DLGAP1: variants seen among roughly 807,000 people sequenced by gnomAD.
DLGAP1 encodes the protein DLG associated protein 1, also known as disks large-associated protein 1.
DLGAP1 carries 11 observed loss-of-function variants against 90.8 expected under a neutral mutation model. That is an observed-to-expected ratio of 0.12 (90% CI 0.08 to 0.20). DLGAP1 has a LOEUF of 0.20. Ranked by LOEUF, DLGAP1 falls within the 10% of genes least tolerant of loss-of-function variation. DLGAP1 has a pLI of 1.00. For missense variants in DLGAP1, 1,050 were observed against 1,333.8 expected (o/e 0.79, Z 3.31); for synonymous variants, 558 against 540.7 (o/e 1.03, Z -0.44).
At chr18:3,671,938 C>G (rs572801581) in intron 7 of DLGAP1, among the ~76,000 whole-genome samples, 17 of 152,206 alleles carry the variant, frequency 1.1e-4, no homozygotes, top group African/African-American at 3.9e-4. Flanking sequence ...CAAATCCTTC[C>G]AATTGCCAAC....
At chr18:4,392,746 T>A (rs1474798676) in intron 1 of DLGAP1, among the ~76,000 whole-genome samples, 1 of 152,216 alleles carries the variant, frequency 6.6e-6, no homozygotes, top group East Asian at 1.9e-4. Flanking sequence ...AGATCCAGCC[T>A]CACATTTCAA....
intron 7 of DLGAP1, among the ~76,000 whole-genome samples, chr18:3,659,651 C>G (rs900344329): frequency 6.6e-6 from 1 of 151,902 alleles, no homozygotes; most frequent in Non-Finnish European, 1.5e-5. Flanking sequence ...CTGCAACCTC[C>G]GCCTCCCAGC....
At chr18:3,770,374 C>T (rs2064472574) in intron 5 of DLGAP1, among the ~76,000 whole-genome samples, 1 of 152,104 alleles carries the variant, frequency 6.6e-6, no homozygotes, top group Non-Finnish European at 1.5e-5. Context: ...AGACACATGT[C>T]CTGAATATTG....
rs535454642 is a variant in DLGAP1, at chr18:4,434,284, T to C, written c.-267+20722A>G. 6.2e-4 allele frequency among the ~76,000 whole-genome samples: 95 copies of C among 152,062 alleles called. 1 individual carries two copies. The highest frequency in any genetic ancestry group is 5.4e-4 in the Non-Finnish European group (37 of 68,018). ...TTGACCATAGCATCTTTGAGCACAA[T>C]GAAATGTGTTGTAGCGTCCCCTAAG... On this transcript the variant is annotated intron_variant, in intron 1 of 12. Coordinates refer to ENST00000315677, the MANE Select transcript of DLGAP1 (RefSeq NM_004746.4).
intron 3 of DLGAP1, among the ~76,000 whole-genome samples, chr18:3,976,865 G>A (rs1211623146): frequency 6.6e-6 from 1 of 152,024 alleles, no homozygotes; most frequent in Non-Finnish European, 1.5e-5. Context: ...CAAAGATTAG[G>A]TCATATCATT....
chr18:4,002,724 G>A (rs2074219255), intron 3 of DLGAP1, among the ~76,000 whole-genome samples: 2 of 152,126 alleles, frequency 1.3e-5, no homozygotes, highest in South Asian at 4.1e-4. Flanking sequence ...GTGACCCTTT[G>A]GGGCTGGTTC....
At chr18:4,086,629 C>T (rs963077986) in intron 2 of DLGAP1, among the ~76,000 whole-genome samples, 22 of 151,322 alleles carry the variant, frequency 1.5e-4, no homozygotes, top group East Asian at 5.8e-4. Context: ...TTTTTTAATC[C>T]GATTTAATTC....
intron 1 of DLGAP1, among the ~76,000 whole-genome samples, chr18:4,270,829 C>G (rs993308493): frequency 1.3e-5 from 2 of 152,166 alleles, no homozygotes; most frequent in Admixed American, 6.5e-5. Flanking sequence ...GTGGGCATTT[C>G]TGAGATGCTG....
At chr18:3,895,663 A>C (rs1421229899) in intron 3 of DLGAP1, 2 of 152,270 alleles carry the variant, frequency 1.3e-5, no homozygotes, top group Non-Finnish European at 2.9e-5. Flanking sequence ...GGAATAACGC[A>C]TTGTTGGTGC....
chr18:4,182,533 G>A (rs761343652), intron 1 of DLGAP1, among the ~76,000 whole-genome samples: 9 of 151,912 alleles, frequency 5.9e-5, no homozygotes, highest in South Asian at 2.1e-4. Context: ...AGCATTGACT[G>A]TTCTTTGTAG....
At chr18:3,717,150 G>T (rs1405309609) in intron 7 of DLGAP1, among the ~76,000 whole-genome samples, 2 of 145,940 alleles carry the variant, frequency 1.4e-5, no homozygotes, top group Non-Finnish European at 3.0e-5. Flanking sequence ...CATTTCAAAA[G>T]AAAACTAGAA....
chr18:4,295,047 A>T (rs1343146161), intron 1 of DLGAP1: 1 of 152,226 alleles, frequency 6.6e-6, no homozygotes, highest in Non-Finnish European at 1.5e-5. Flanking sequence ...TTATACGGGT[A>T]CAGGACAGGG....
chr18:4,155,908 T>C (rs1005445319), intron 1 of DLGAP1, among the ~76,000 whole-genome samples: 1 of 152,292 alleles, frequency 6.6e-6, no homozygotes, highest in East Asian at 1.9e-4. Flanking sequence ...AGGATGCAGG[T>C]AGCTGGAAAG....
At chr18:3,596,498 A>G (rs777476051) in intron 7 of DLGAP1, 6 of 208,830 alleles carry the variant, frequency 2.9e-5, no homozygotes, top group Non-Finnish European at 4.8e-5. Flanking sequence ...ACCAGCTTTC[A>G]TTTCTTGTCA....
At chr18:4,403,048 T>C (rs1201212224) in intron 1 of DLGAP1, among the ~76,000 whole-genome samples, 2 of 152,222 alleles carry the variant, frequency 1.3e-5, no homozygotes, top group African/African-American at 4.8e-5. Context: ...CATTTCTTTT[T>C]CTTCTGAATA....
intron 1 of DLGAP1, among the ~76,000 whole-genome samples, chr18:4,158,848 A>G (rs1028186845): frequency 1.3e-5 from 2 of 152,164 alleles, no homozygotes; most frequent in Non-Finnish European, 2.9e-5. Context: ...AAAATAATTG[A>G]TACTTTAGAG....
rs935013603 is a variant in DLGAP1 at position 3,982,804 on chromosome 18, C to T, written c.-73+22312G>A. ...CGCAGACTTAGGTAATTAATAATTACTTACAAATTTGAATTGAGAATGTGA... is the reference window on the plus strand; with the variant it reads ...CGCAGACTTAGGTAATTAATAATTATTTACAAATTTGAATTGAGAATGTGA... On this transcript the variant is annotated intron_variant, in intron 3 of 12. Coordinates refer to ENST00000315677, the MANE Select transcript of DLGAP1 (RefSeq NM_004746.4). Among the ~76,000 whole-genome samples the T allele has an allele frequency of 3.9e-5, 6 of 152,228 alleles. No individual in the cohort carries two copies. In the South Asian group the frequency reaches 6.2e-4, roughly 16 times the overall value.
chr18:4,150,330 C>T (rs1031648594), intron 2 of DLGAP1, among the ~76,000 whole-genome samples: 2 of 152,178 alleles, frequency 1.3e-5, no homozygotes, highest in Non-Finnish European at 2.9e-5. Context: ...CCAAAAACTA[C>T]ATAATGAAAG....
intron 12 of DLGAP1, chr18:3,502,008 A>ACAG (rs1568084540): frequency 1.7e-5 from 5 of 287,852 alleles, no homozygotes; most frequent in Non-Finnish European, 2.6e-5. Context: ...TTTATGGTAT[A>ACAG]TATTTTTAGA....
Sources: gnomAD v4.1 joint callset for allele counts (sites outside exome capture counted in the v4.1 genomes callset) on GRCh38, gnomAD v4.1.1 for gene constraint, MANE v1.5 for transcripts, NCBI Gene and HGNC (gene_info 2026-07-23, HGNC 2026-07-21) for gene names.